Variants in MTMR7 observed in about 807,000 individuals in gnomAD.
The protein encoded by MTMR7 is phosphatidylinositol-3-phosphate phosphatase MTMR7.
In MTMR7, 76 loss-of-function variants were observed where a neutral mutation model predicts 81.2. The ratio of observed to expected loss-of-function variants is 0.94; its 90% CI spans 0.78 to 1.13. The LOEUF is 1.13. Ranked by LOEUF, MTMR7 falls within the 50% of genes most tolerant of loss-of-function variation. The pLI is 0.00. For synonymous variants in MTMR7, 372 were observed against 289.8 expected, an observed-to-expected ratio of 1.28 and a Z score of -2.88; for missense variants, 1,044 against 820.0, an observed-to-expected ratio of 1.27 and a Z score of -3.34.
chr8:17,389,952 G>C (rs1278352283), intron 1 of MTMR7, among the ~76,000 whole-genome samples: 1 of 151,814 alleles, frequency 6.6e-6, no homozygotes, highest in African/African-American at 2.4e-5. Flanking sequence ...CCTTTACTCT[G>C]TACCAGACAT....
intron 7 of MTMR7, 91 bp from the exon 8 acceptor site, chr8:17,313,492 C>T: frequency 1.2e-6 from 1 of 806,574 alleles, no homozygotes; most frequent in Non-Finnish European, 2.0e-6. Flanking sequence ...TTAATGATTC[C>T]TTTGTTGTAT....
chr8:17,322,950 C>CTTTTT lies in MTMR7; in HGVS notation c.865+8195_865+8199dup, dbSNP rs58584179. On this transcript the variant is annotated intron_variant, in intron 7 of 13. Transcript: ENST00000180173. ...TCCCATCTAGAGTGGATTGAATTAT[C>CTTTTT]TTTTTTTTTTTTTTTTTGAGACAGT... Among the ~76,000 whole-genome samples, 94 of 125,754 alleles carry CTTTTT rather than the reference C, an allele frequency of 7.5e-4. 1 individual carries two copies. The highest frequency in any genetic ancestry group is 1.5e-3 in the South Asian group (6 of 4,018). The allele number at this position is 125,754 out of a possible 152,430, so 82.5% of individuals were successfully genotyped here. A position where few individuals can be genotyped will look rare whatever the true frequency, so the allele number is the denominator to read the frequency against.
chr8:17,300,879 A>C (rs928249102), intron 13 of MTMR7, among the ~76,000 whole-genome samples: 1 of 152,182 alleles, frequency 6.6e-6, no homozygotes, highest in Non-Finnish European at 1.5e-5. Flanking sequence ...CAACATGTGG[A>C]TTTTTGTATC....
intron 9 of MTMR7, among the ~76,000 whole-genome samples, chr8:17,310,391 G>C (rs920889132): frequency 2.0e-5 from 3 of 152,148 alleles, no homozygotes; most frequent in Non-Finnish European, 4.4e-5. Context: ...CCCTTACAAA[G>C]AAATATGAAC....
intron 1 of MTMR7, among the ~76,000 whole-genome samples, chr8:17,394,567 G>C (rs1328589650): frequency 1.3e-5 from 2 of 152,078 alleles, no homozygotes; most frequent in East Asian, 1.9e-4. Context: ...TAAATACCAG[G>C]TTTCTTTTTG....
At position 17,361,195 on chromosome 8, in the gene MTMR7, G is replaced by A. The variant is rs376356361; in HGVS notation, c.390C>T (p.Ile130=). Reference sequence around the variant, plus strand: ...TCCGCGTGTATTCTTCACTAAGATCGATCAGCACCCAGCCTTGCTCTCTTT... The same window carrying A: ...TCCGCGTGTATTCTTCACTAAGATCAATCAGCACCCAGCCTTGCTCTCTTT... ...KEEREQGWVL[I]DLSEEYTRMG... is the part of the protein sequence containing the mutation. Residue 130 remains isoleucine (I), a synonymous_variant, in exon 4 of 14, where the codon ATC becomes ATT. Transcript: ENST00000180173. 1.5e-5 allele frequency: 24 copies of A among 1,613,954 alleles called. No individual in the cohort carries two copies. The highest frequency in any genetic ancestry group is 1.5e-5 in the Non-Finnish European group (18 of 1,179,974).
At chr8:17,320,689 C>T (rs1363687257) in intron 7 of MTMR7, among the ~76,000 whole-genome samples, 2 of 152,324 alleles carry the variant, frequency 1.3e-5, no homozygotes, top group South Asian at 2.1e-4. Context: ...TGAGCAAGCT[C>T]GGCCCTTCTG....
intron 1 of MTMR7, among the ~76,000 whole-genome samples, chr8:17,408,747 A>C (rs1355789204): frequency 2.0e-5 from 3 of 152,154 alleles, no homozygotes; most frequent in Non-Finnish European, 4.4e-5. Flanking sequence ...CAATGAGATA[A>C]TATTCAACGT....
intron 1 of MTMR7, among the ~76,000 whole-genome samples, chr8:17,395,218 G>T (rs548896133): frequency 2.0e-5 from 3 of 152,046 alleles, no homozygotes; most frequent in East Asian, 3.9e-4. Flanking sequence ...TGTCTTCAAG[G>T]TTCACCCATA....
chr8:17,373,380 C>T lies in MTMR7; in HGVS notation c.25-140G>A. On this transcript the variant is annotated intron_variant, in intron 1 of 13. Coordinates refer to ENST00000180173, the MANE Select transcript of MTMR7 (RefSeq NM_004686.5). The stretch of plus-strand genomic sequence containing the variant: ...CCCCAATAATAAAAACCAAAAACTT[C>T]CCCTTAAGTTAATCGGATCTCAGAG... The T allele has an allele frequency of 3.2e-6, 3 of 945,052 alleles. No homozygotes were observed. The South Asian group carries it at 5.8e-5, about 18-fold the overall frequency. 58.5% of individuals were successfully genotyped at this position (945,052 alleles called of 1,614,324 possible).
At chr8:17,387,883 T>C (rs942364678) in intron 1 of MTMR7, among the ~76,000 whole-genome samples, 1 of 152,178 alleles carries the variant, frequency 6.6e-6, no homozygotes, top group Non-Finnish European at 1.5e-5. Flanking sequence ...CCTGAGTGTT[T>C]ATAAATGGGC....
chr8:17,317,126 A>C (rs1222700479), intron 7 of MTMR7, among the ~76,000 whole-genome samples: 1 of 151,960 alleles, frequency 6.6e-6, no homozygotes, highest in African/African-American at 2.4e-5. Flanking sequence ...TTGCTTGCTT[A>C]TATGTGTGTG....
At chr8:17,383,173 G>A (rs1193222919) in intron 1 of MTMR7, among the ~76,000 whole-genome samples, 2 of 152,134 alleles carry the variant, frequency 1.3e-5, no homozygotes, top group African/African-American at 4.8e-5. Flanking sequence ...CCTTTAAACA[G>A]TGCCCACCCT....
intron 13 of MTMR7, among the ~76,000 whole-genome samples, chr8:17,300,573 CATGA>C (rs1173169533): frequency 6.6e-6 from 1 of 152,188 alleles, no homozygotes; most frequent in Non-Finnish European, 1.5e-5. Context: ...TTTTAGAAAT[CATGA>C]ATGAAGTGTT....
At chr8:17,335,597 T>C (rs1236187811) in intron 6 of MTMR7, among the ~76,000 whole-genome samples, 1 of 152,224 alleles carries the variant, frequency 6.6e-6, no homozygotes. Context: ...GGAGGGGGAC[T>C]TGGTCTTGCC....
At chr8:17,357,352 G>A (rs548940187) in intron 4 of MTMR7, among the ~76,000 whole-genome samples, 1 of 152,260 alleles carries the variant, frequency 6.6e-6, no homozygotes, top group East Asian at 1.9e-4. Context: ...TTTCTTAAAC[G>A]AAATGGATGA....
At position 17,361,782 on chromosome 8, in the gene MTMR7, G is replaced by A. The variant is rs185592044; in HGVS notation, c.311-508C>T. On this transcript the variant is annotated intron_variant, in intron 3 of 13. Coordinates refer to ENST00000180173, the MANE Select transcript of MTMR7 (RefSeq NM_004686.5). ...GAAAAAACTCTGGAATATACTAAACGTTTGCATTGGAAACATCTGAACTTT... is the reference window on the plus strand; with the variant it reads ...GAAAAAACTCTGGAATATACTAAACATTTGCATTGGAAACATCTGAACTTT... 3.1e-4 allele frequency among the ~76,000 whole-genome samples: 47 copies of A among 152,204 alleles called. No homozygotes were observed. The South Asian group carries it at 3.3e-3, about 11-fold the overall frequency.
At chr8:17,325,750 A>G (rs1818649992) in intron 7 of MTMR7, among the ~76,000 whole-genome samples, 1 of 148,542 alleles carries the variant, frequency 6.7e-6, no homozygotes. Flanking sequence ...CACAGACCCT[A>G]TCACGAGACA....
chr8:17,332,372 T>A (rs1457245561), intron 6 of MTMR7, among the ~76,000 whole-genome samples: 1 of 152,184 alleles, frequency 6.6e-6, no homozygotes, highest in Non-Finnish European at 1.5e-5. Flanking sequence ...TAAAAATAGA[T>A]GCCCAAGAAT....
Sources: gnomAD v4.1 joint callset for allele counts (sites outside exome capture counted in the v4.1 genomes callset) on GRCh38, gnomAD v4.1.1 for gene constraint, MANE v1.5 for transcripts, NCBI Gene and HGNC (gene_info 2026-07-23, HGNC 2026-07-21) for gene names.